Variants in FAM184B observed in about 807,000 individuals in gnomAD.
The protein encoded by FAM184B is family with sequence similarity 184 member B.
FAM184B carries 111 observed loss-of-function variants against 135.9 expected under a neutral mutation model. The observed-to-expected ratio is 0.82, with a 90% confidence interval of 0.70 to 0.96. FAM184B has a LOEUF of 0.96. Among genes scored for constraint, FAM184B ranks in the 40% least tolerant of loss-of-function variants. FAM184B has a pLI of 0.00. For missense variants in FAM184B, 1,375 were observed against 1,323.9 expected (o/e 1.04, Z -0.60); for synonymous variants, 552 against 524.8 (o/e 1.05, Z -0.71).
chr4:17,663,734 C>T (rs1715974330), intron 8 of FAM184B, among the ~76,000 whole-genome samples: 1 of 151,912 alleles, frequency 6.6e-6, no homozygotes, highest in African/African-American at 2.4e-5. Context: ...GGTTTTTTGC[C>T]CCCACCCAAA....
chr4:17,708,679 A>AG lies in FAM184B; in HGVS notation c.894+212_894+213insC, dbSNP rs1165806819. 1.6e-4 allele frequency among the ~76,000 whole-genome samples: 6 copies of AG among 37,710 alleles called. 1 individual carries two copies. Among genetic ancestry groups the AG allele is most frequent in the African/African-American group, 3.7e-4 (3 of 8,074 alleles). The allele number at this position is 37,710 out of a possible 152,430, so 24.7% of individuals were successfully genotyped here. On this transcript the variant is annotated intron_variant, in intron 2 of 17. Transcript: ENST00000265018. Reference sequence around the variant, plus strand: ...GAAACAAAACTATATATATATATATATATATATATATATATATATATATAT... The same window carrying AG: ...GAAACAAAACTATATATATATATATAGTATATATATATATATATATATATAT...
intron 7 of FAM184B, among the ~76,000 whole-genome samples, chr4:17,674,557 A>G (rs1360397341): frequency 6.6e-6 from 1 of 152,140 alleles, no homozygotes; most frequent in Non-Finnish European, 1.5e-5. Flanking sequence ...TAAGATAACA[A>G]TGAAGTTTGC....
chr4:17,767,934 G>A (rs1045865823), intron 1 of FAM184B, among the ~76,000 whole-genome samples: 4 of 152,072 alleles, frequency 2.6e-5, no homozygotes, highest in African/African-American at 9.7e-5. Flanking sequence ...TTCTGTAAAG[G>A]TAGTAGTTCT....
At chr4:17,640,945 G>GT (rs1209178978) in intron 13 of FAM184B, among the ~76,000 whole-genome samples, 3 of 152,050 alleles carry the variant, frequency 2.0e-5, no homozygotes, top group African/African-American at 4.8e-5. Flanking sequence ...TGTTTGTTTT[G>GT]TTTTTTGAGA....
At chr4:17,761,529 C>T (rs528954497) in intron 1 of FAM184B, among the ~76,000 whole-genome samples, 2 of 152,304 alleles carry the variant, frequency 1.3e-5, no homozygotes, top group East Asian at 3.9e-4. Context: ...CTTGGAATAC[C>T]CAGGCCACCA....
intron 7 of FAM184B, among the ~76,000 whole-genome samples, chr4:17,665,696 G>T (rs1010996219): frequency 1.3e-5 from 2 of 152,128 alleles, no homozygotes; most frequent in East Asian, 3.9e-4. Flanking sequence ...CCTTGATCTG[G>T]AACAAAACTG....
At chr4:17,648,470 C>A (rs533120347) in intron 11 of FAM184B, among the ~76,000 whole-genome samples, 58 of 151,852 alleles carry the variant, frequency 3.8e-4, no homozygotes, top group African/African-American at 1.4e-3. Context: ...CCTTAGCCTC[C>A]GGAGTAGCTG....
rs1238471620 is a variant in FAM184B, at chr4:17,705,103, T to C, written c.1274A>G (p.Lys425Arg). ...HQTEEEKKHLKDQLVKRLEDL... is the reference protein window; with the variant it reads ...HQTEEEKKHLRDQLVKRLEDL... The stretch of plus-strand genomic sequence containing the variant: ...TTCTAGTCGCTTCACTAGCTGGTCT[T>C]TGAGATGTTTCTTCTCCTCTTCTGT... The change falls in exon 5 of 18, where the codon AAA becomes AGA. Residue 425 changes from lysine (K) to arginine (R), a missense_variant. Coordinates refer to ENST00000265018, the MANE Select transcript of FAM184B (RefSeq NM_015688.2). 1 of 1,551,772 alleles carries C rather than the reference T, an allele frequency of 6.4e-7. No homozygotes were observed. Among genetic ancestry groups the C allele is most frequent in the Admixed American group, 2.0e-5 (1 of 51,008 alleles).
At chr4:17,770,718 G>A (rs1560198025) in intron 1 of FAM184B, among the ~76,000 whole-genome samples, 2 of 152,036 alleles carry the variant, frequency 1.3e-5, no homozygotes, top group Non-Finnish European at 2.9e-5. Flanking sequence ...TGCCTGCCTC[G>A]GCCTCCCAAA....
At chr4:17,729,944 G>T (rs900311456) in intron 1 of FAM184B, among the ~76,000 whole-genome samples, 2 of 152,204 alleles carry the variant, frequency 1.3e-5, no homozygotes, top group African/African-American at 4.8e-5. Context: ...AGAGAAGAAG[G>T]CTTCAGACAA....
intron 9 of FAM184B, among the ~76,000 whole-genome samples, chr4:17,659,494 A>G (rs997400253): frequency 1.5e-5 from 2 of 130,034 alleles, no homozygotes; most frequent in African/African-American, 5.8e-5. Flanking sequence ...CAGGTTTTTT[A>G]TTTTCTTTTT....
chr4:17,700,033 C>T (rs1047949388), intron 5 of FAM184B, among the ~76,000 whole-genome samples: 29 of 152,136 alleles, frequency 1.9e-4, no homozygotes, highest in African/African-American at 7.0e-4. Flanking sequence ...ACAGTAACCA[C>T]TAGCTCTCCA....
In FAM184B at chr4:17,630,295, T is replaced by C. The variant is rs889957141; in HGVS notation, c.*2237A>G. On this transcript the variant is annotated 3_prime_UTR_variant, in exon 18 of 18. Transcript: ENST00000265018. ...TGATGTCCCTTCCAAAATTCATATG[T>C]TGGAACCTAATGTCAATGTAATAGT... 1 of 152,230 alleles carries C rather than the reference T, an allele frequency of 6.6e-6. No homozygotes were observed. The highest frequency in any genetic ancestry group is 1.5e-5 in the Non-Finnish European group (1 of 68,054). 9.4% of individuals were successfully genotyped at this position (152,230 alleles called of 1,614,324 possible). A position where few individuals can be genotyped will look rare whatever the true frequency, so the allele number is the denominator to read the frequency against.
chr4:17,753,601 T>A (rs970917639), intron 1 of FAM184B, among the ~76,000 whole-genome samples: 2 of 152,178 alleles, frequency 1.3e-5, no homozygotes, highest in Admixed American at 6.5e-5. Context: ...TCCAGAGGGC[T>A]TTAAAAATGG....
chr4:17,686,176 G>A (rs1433130214), intron 7 of FAM184B, among the ~76,000 whole-genome samples: 4 of 152,200 alleles, frequency 2.6e-5, no homozygotes, highest in African/African-American at 4.8e-5. Flanking sequence ...TGTCTCTGGG[G>A]CCAAAAGTTC....
At chr4:17,766,143 G>A (rs938333485) in intron 1 of FAM184B, among the ~76,000 whole-genome samples, 3 of 152,166 alleles carry the variant, frequency 2.0e-5, no homozygotes, top group Non-Finnish European at 2.9e-5. Flanking sequence ...GCCATTGCTG[G>A]GTCAGGCAGC....
intron 5 of FAM184B, among the ~76,000 whole-genome samples, chr4:17,694,342 T>G (rs1716806849): frequency 6.6e-6 from 1 of 152,062 alleles, no homozygotes; most frequent in African/African-American, 2.4e-5. Flanking sequence ...GCTAACACAG[T>G]GAAACCCCGT....
chr4:17,633,732 T>C lies in FAM184B; in HGVS notation c.3046A>G (p.Thr1016Ala), dbSNP rs893898305. Residue 1016 changes from threonine (T) to alanine (A), a missense_variant, in exon 17 of 18, where the codon ACC becomes GCC. Thr to Ala is a moderately conservative substitution (Grantham distance 58). Coordinates refer to ENST00000265018, the MANE Select transcript of FAM184B (RefSeq NM_015688.2). ...SLDPSPSCGR[T>A]YKPNQSTDAK... is the part of the protein sequence containing the mutation. ...TCTGTAGACTGGTTGGGTTTGTAGG[T>C]CCGGCCACAGCTGGGGCTTGGGTCC... The C allele has an allele frequency of 3.9e-6, 6 of 1,549,922 alleles. No homozygotes were observed. The highest frequency in any genetic ancestry group is 1.4e-5 in the African/African-American group (1 of 72,892).
rs74577747 is a variant in FAM184B at position 17,737,678 on chromosome 4, C to T, written c.142-28034G>A. ...CGATTTTCAGTGTTCCTCCCCCGAACCTCAAAGTCCCTCATGAGAAGGACA... is the reference window on the plus strand; with the variant it reads ...CGATTTTCAGTGTTCCTCCCCCGAATCTCAAAGTCCCTCATGAGAAGGACA... On this transcript the variant is annotated intron_variant, in intron 1 of 17. Transcript: ENST00000265018. Among the ~76,000 whole-genome samples the T allele has an allele frequency of 1.6e-4, 25 of 152,256 alleles. No individual in the cohort carries two copies. In the East Asian group the frequency reaches 4.8e-3, roughly 29 times the overall value.
Sources: gnomAD v4.1 joint callset for allele counts (sites outside exome capture counted in the v4.1 genomes callset) on GRCh38, gnomAD v4.1.1 for gene constraint, MANE v1.5 for transcripts, NCBI Gene and HGNC (gene_info 2026-07-23, HGNC 2026-07-21) for gene names.